ZNF536: variants seen among roughly 807,000 people sequenced by gnomAD.
ZNF536 encodes zinc finger protein 536.
In ZNF536, 13 loss-of-function variants were observed where a neutral mutation model predicts 84.5. That is an observed-to-expected ratio of 0.15 (90% CI 0.10 to 0.24). The LOEUF (loss-of-function observed/expected upper bound fraction) is 0.24. Ranked by LOEUF, ZNF536 falls within the 10% of genes least tolerant of loss-of-function variation. ZNF536 has a pLI of 1.00. For missense variants in ZNF536, 1,536 were observed against 1,747.5 expected (o/e 0.88, Z 2.16); for synonymous variants, 811 against 742.5 (o/e 1.09, Z -1.50).
At chr19:30,421,273 A>G (rs986793639) in intron 1 of ZNF536, among the ~76,000 whole-genome samples, 20 of 152,200 alleles carry the variant, frequency 1.3e-4, no homozygotes, top group Admixed American at 9.8e-4. Flanking sequence ...TCTTAAGAAG[A>G]TCCTAATCTA....
At chr19:30,396,695 G>T (rs781763510) in intron 1 of ZNF536, among the ~76,000 whole-genome samples, 7 of 143,652 alleles carry the variant, frequency 4.9e-5, no homozygotes, top group African/African-American at 1.5e-4. Context: ...CTGCCCCGCC[G>T]CCAGGTTCAA....
chr19:30,648,179 C>T (rs754153707), intron 1 of ZNF536, among the ~76,000 whole-genome samples: 1 of 152,142 alleles, frequency 6.6e-6, no homozygotes, highest in Non-Finnish European at 1.5e-5. Flanking sequence ...TGCACACCCA[C>T]GGGCTTTCAG....
At chr19:30,582,068 C>G (rs1160874130) in intron 1 of ZNF536, among the ~76,000 whole-genome samples, 1 of 152,134 alleles carries the variant, frequency 6.6e-6, no homozygotes, top group Non-Finnish European at 1.5e-5. Context: ...GGTCCGCGGT[C>G]CTGCTTCCCC....
intron 1 of ZNF536, among the ~76,000 whole-genome samples, chr19:30,682,214 G>C (rs1211587863): frequency 6.6e-6 from 1 of 152,060 alleles, no homozygotes; most frequent in African/African-American, 2.4e-5. Context: ...GGTATCTCTC[G>C]AACTCTGCAA....
At chr19:30,236,722 A>G (rs539989815) in intron 1 of ZNF536, among the ~76,000 whole-genome samples, 1 of 152,266 alleles carries the variant, frequency 6.6e-6, no homozygotes, top group African/African-American at 2.4e-5. Context: ...GTAGGTGACA[A>G]ACGATTAGCT....
chr19:30,420,762 A>T (rs1267829131), intron 1 of ZNF536, among the ~76,000 whole-genome samples: 2 of 152,194 alleles, frequency 1.3e-5, no homozygotes, highest in East Asian at 1.9e-4. Flanking sequence ...TGATATTTGA[A>T]ATATTCCTCT....
intron 2 of ZNF536, among the ~76,000 whole-genome samples, chr19:30,343,190 G>C (rs2047620486): frequency 6.6e-6 from 1 of 152,180 alleles, no homozygotes; most frequent in Non-Finnish European, 1.5e-5. Context: ...GCTTTCACAT[G>C]AATGTTTCTG....
chr19:30,253,462 C>T (rs557907948), intron 1 of ZNF536, among the ~76,000 whole-genome samples: 4 of 152,186 alleles, frequency 2.6e-5, no homozygotes, highest in East Asian at 1.9e-4. Context: ...GCCAGAGACA[C>T]GCGTTCTGTC....
intron 1 of ZNF536, among the ~76,000 whole-genome samples, chr19:30,414,340 C>G (rs2050623988): frequency 6.6e-6 from 1 of 151,986 alleles, no homozygotes; most frequent in Admixed American, 6.6e-5. Context: ...CTTTTTTATA[C>G]ATGATTTTAA....
intron 2 of ZNF536, among the ~76,000 whole-genome samples, chr19:30,316,007 A>C (rs1017171423): frequency 1.3e-5 from 2 of 152,192 alleles, no homozygotes; most frequent in African/African-American, 4.8e-5. Flanking sequence ...TGGCATATTC[A>C]TATTCATGTA....
chr19:30,236,170 T>A (rs2023484745), intron 1 of ZNF536, among the ~76,000 whole-genome samples: 1 of 152,232 alleles, frequency 6.6e-6, no homozygotes, highest in Admixed American at 6.5e-5. Context: ...CGAAACCTCC[T>A]CTGATAGTGG....
intron 1 of ZNF536, among the ~76,000 whole-genome samples, chr19:30,683,790 C>T (rs755355566): frequency 8.5e-5 from 13 of 152,168 alleles, no homozygotes; most frequent in Admixed American, 1.3e-4. Flanking sequence ...ACTCAACTAT[C>T]ACCCACTCCA....
chr19:30,305,143 C>T (rs1434669783), intron 2 of ZNF536, among the ~76,000 whole-genome samples: 1 of 152,164 alleles, frequency 6.6e-6, no homozygotes, highest in Non-Finnish European at 1.5e-5. Context: ...CTTGTCTGGG[C>T]CTTGGTTTTC....
At chr19:30,310,454 T>C (rs953693917) in intron 2 of ZNF536, among the ~76,000 whole-genome samples, 9 of 152,216 alleles carry the variant, frequency 5.9e-5, no homozygotes, top group Non-Finnish European at 1.3e-4. Flanking sequence ...GATGCGATCA[T>C]CGGTTTCATG....
At chr19:30,709,389 A>G (rs928384120) in intron 1 of ZNF536, among the ~76,000 whole-genome samples, 9 of 152,194 alleles carry the variant, frequency 5.9e-5, no homozygotes, top group African/African-American at 7.2e-5. Context: ...AACTCTGCCT[A>G]AGAGCAAGAC....
At chr19:30,400,857 AT>A in intron 1 of ZNF536, among the ~76,000 whole-genome samples, 1 of 152,274 alleles carries the variant, frequency 6.6e-6, no homozygotes, top group East Asian at 1.9e-4. Flanking sequence ...AAAAAATTTA[AT>A]TTTGACAAAA....
chr19:30,652,331 A>G (rs1296660642), intron 1 of ZNF536, among the ~76,000 whole-genome samples: 1 of 152,166 alleles, frequency 6.6e-6, no homozygotes, highest in African/African-American at 2.4e-5. Flanking sequence ...AAGTTAAGTA[A>G]TTTTAGAATC....
intron 1 of ZNF536, among the ~76,000 whole-genome samples, chr19:30,432,856 T>C (rs1344993853): frequency 2.0e-5 from 3 of 152,170 alleles, no homozygotes; most frequent in African/African-American, 7.2e-5. Context: ...GTGGCTGCCC[T>C]AGTGGAAGCT....
At position 30,535,025 on chromosome 19, in the gene ZNF536, G is replaced by A. The variant is rs775760806; in HGVS notation, c.2323+26G>A. ...GTGAGAAGTCTGAGTGCATCCAGGGGCACAGCCCAGAGAAGGAGGAGGTCC... is the reference window on the plus strand; with the variant it reads ...GTGAGAAGTCTGAGTGCATCCAGGGACACAGCCCAGAGAAGGAGGAGGTCC... On this transcript the variant is annotated intron_variant, in intron 3 of 4. Coordinates refer to ENST00000355537, the MANE Select transcript of ZNF536 (RefSeq NM_014717.3). 9 of 1,595,726 alleles carry A rather than the reference G, an allele frequency of 5.6e-6. No individual in the cohort carries two copies. In the Admixed American group the frequency reaches 1.2e-4, roughly 21 times the overall value.
Sources: gnomAD v4.1 joint callset for allele counts (sites outside exome capture counted in the v4.1 genomes callset) on GRCh38, gnomAD v4.1.1 for gene constraint, MANE v1.5 for transcripts, NCBI Gene and HGNC (gene_info 2026-07-23, HGNC 2026-07-21) for gene names.